Variants in KIAA1549L observed in about 807,000 individuals in gnomAD.
The protein encoded by KIAA1549L is UPF0606 protein KIAA1549L.
In KIAA1549L, 88 loss-of-function variants were observed where a neutral mutation model predicts 160.7. The ratio of observed to expected loss-of-function variants is 0.55; its 90% CI spans 0.46 to 0.65. The LOEUF is 0.65. KIAA1549L is among the 30% of genes least tolerant of loss of function. The pLI is 0.00. For synonymous variants in KIAA1549L, 950 were observed against 976.7 expected (o/e 0.97, Z 0.51); for missense variants, 2,258 against 2,437.5 (o/e 0.93, Z 1.55).
At chr11:33,407,513 T>C (rs570018098) in intron 1 of KIAA1549L, among the ~76,000 whole-genome samples, 30 of 151,966 alleles carry the variant, frequency 2.0e-4, no homozygotes, top group Non-Finnish European at 3.7e-4. Context: ...CGTGCCTTGC[T>C]AATTTTTGTA....
intron 15 of KIAA1549L, among the ~76,000 whole-genome samples, chr11:33,617,223 G>A (rs576783482): frequency 1.6e-4 from 25 of 152,160 alleles, no homozygotes; most frequent in Non-Finnish European, 3.1e-4. Context: ...CTTATAGCTG[G>A]GTGAGAAGGA....
intron 16 of KIAA1549L, among the ~76,000 whole-genome samples, chr11:33,629,241 T>C (rs1282477872): frequency 1.3e-5 from 2 of 152,186 alleles, no homozygotes; most frequent in Admixed American, 1.3e-4. Context: ...CATTTCAACT[T>C]TGGTGAATCT....
chr11:33,539,692 C>T (rs951400921), intron 1 of KIAA1549L, among the ~76,000 whole-genome samples: 4 of 152,080 alleles, frequency 2.6e-5, no homozygotes, highest in Admixed American at 6.5e-5. Context: ...AAGAAAGTTC[C>T]GGAGAGTCTT....
chr11:33,606,825 A>C lies in KIAA1549L; in HGVS notation c.5061+3A>C, dbSNP rs749020204. ...CATCGGCAGTCCTCAACGGCGAGGT[A>C]AGTGCCTGGAGACCCAGGGCAGGAG... On this transcript the variant is annotated splice_donor_region_variant and intron_variant, in intron 14 of 20. Transcript: ENST00000658780. 6 of 1,595,648 alleles carry C rather than the reference A, an allele frequency of 3.8e-6. No individual in the cohort carries two copies. The South Asian group carries it at 5.7e-5, about 15-fold the overall frequency.
chr11:33,441,989 C>T (rs2132948175), intron 1 of KIAA1549L, among the ~76,000 whole-genome samples: 1 of 152,118 alleles, frequency 6.6e-6, no homozygotes, highest in South Asian at 2.1e-4. Flanking sequence ...ACATGAAGTC[C>T]TTGCCCATGC....
In KIAA1549L at chr11:33,551,844, C is replaced by G. The variant is rs181903859; in HGVS notation, c.3722-264C>G. ...GATTTGTCAGTCTTTGAGCAGATGT[C>G]TACATATTCCAATCAAATAAAATCA... On this transcript the variant is annotated intron_variant, in intron 5 of 20. Coordinates refer to ENST00000658780, the MANE Select transcript of KIAA1549L (RefSeq NM_012194.3). Among the ~76,000 whole-genome samples the G allele has an allele frequency of 2.9e-3, 434 of 152,228 alleles. 3 individuals are homozygous for G. Among genetic ancestry groups the G allele is most frequent in the African/African-American group, 9.9e-3 (412 of 41,534 alleles).
chr11:33,407,696 C>G (rs1025179093), intron 1 of KIAA1549L, among the ~76,000 whole-genome samples: 2 of 152,152 alleles, frequency 1.3e-5, no homozygotes, highest in Non-Finnish European at 2.9e-5. Flanking sequence ...TCACCATTCA[C>G]AAGTACAGAG....
At chr11:33,514,276 A>G (rs1193524194) in intron 1 of KIAA1549L, among the ~76,000 whole-genome samples, 1 of 152,234 alleles carries the variant, frequency 6.6e-6, no homozygotes, top group African/African-American at 2.4e-5. Flanking sequence ...ATTTTATGCA[A>G]AGTCATTGAA....
At chr11:33,525,876 C>T (rs1182924963) in intron 1 of KIAA1549L, among the ~76,000 whole-genome samples, 1 of 152,066 alleles carries the variant, frequency 6.6e-6, no homozygotes, top group Non-Finnish European at 1.5e-5. Flanking sequence ...CTGTATGACA[C>T]AGCAGAGGCA....
intron 1 of KIAA1549L, among the ~76,000 whole-genome samples, chr11:33,460,063 A>G (rs75092478): frequency 0.039 from 5,919 of 151,742 alleles, 185 homozygotes; most frequent in Non-Finnish European, 0.058. Context: ...TGCTCTCCCC[A>G]TACTCCCTAC....
intron 1 of KIAA1549L, among the ~76,000 whole-genome samples, chr11:33,444,537 G>A (rs1314145586): frequency 6.6e-6 from 1 of 152,176 alleles, no homozygotes; most frequent in East Asian, 1.9e-4. Flanking sequence ...AAGATGGGAG[G>A]AGAGACTTAC....
At chr11:33,495,682 G>T (rs960583697) in intron 1 of KIAA1549L, among the ~76,000 whole-genome samples, 8 of 152,172 alleles carry the variant, frequency 5.3e-5, no homozygotes, top group Admixed American at 1.3e-4. Context: ...TCTAGTTCTA[G>T]ATCCCTGAGG....
At chr11:33,524,075 AATAAG>A (rs1853557885) in intron 1 of KIAA1549L, among the ~76,000 whole-genome samples, 1 of 152,202 alleles carries the variant, frequency 6.6e-6, no homozygotes, top group Non-Finnish European at 1.5e-5. Context: ...TATTTAAAAA[AATAAG>A]ATAGAATTCA....
intron 1 of KIAA1549L, among the ~76,000 whole-genome samples, chr11:33,380,932 T>C (rs1451866971): frequency 6.6e-6 from 1 of 152,042 alleles, no homozygotes. Context: ...TTCATTCCTT[T>C]ATTCAGTATG....
At chr11:33,559,712 G>A (rs1246854404) in intron 6 of KIAA1549L, 37 bp from the exon 7 acceptor site, 1 of 1,595,692 alleles carries the variant, frequency 6.3e-7, no homozygotes, top group Admixed American at 1.7e-5. Context: ...GTCTTATTTG[G>A]CCTGTCTCCC....
intron 10 of KIAA1549L, among the ~76,000 whole-genome samples, chr11:33,578,979 C>G (rs1855547958): frequency 6.6e-6 from 1 of 152,212 alleles, no homozygotes; most frequent in South Asian, 2.1e-4. Flanking sequence ...AAAGGAACCA[C>G]CCTTCACCAG....
At chr11:33,498,898 T>TA (rs1852880989) in intron 1 of KIAA1549L, among the ~76,000 whole-genome samples, 2 of 152,190 alleles carry the variant, frequency 1.3e-5, no homozygotes. Context: ...GATTTCTTCT[T>TA]ACGTTAGCCA....
rs1852244486 is a variant in KIAA1549L at position 33,661,026 on chromosome 11, G to T, written c.6159+12G>T. On this transcript the variant is annotated intron_variant, in intron 20 of 20. Coordinates refer to ENST00000658780, the MANE Select transcript of KIAA1549L (RefSeq NM_012194.3). The stretch of plus-strand genomic sequence containing the variant: ...AGTGGGCAGATTCGGTGAGACCCTT[G>T]CTCTTCACCTCATAAAACTTTACCT... The T allele has an allele frequency of 1.3e-6, 2 of 1,599,384 alleles. No individual in the cohort carries two copies. The highest frequency in any genetic ancestry group is 1.7e-6 in the Non-Finnish European group (2 of 1,172,410).
chr11:33,580,923 G>A (rs949452675), intron 10 of KIAA1549L, among the ~76,000 whole-genome samples: 1 of 152,228 alleles, frequency 6.6e-6, no homozygotes, highest in African/African-American at 2.4e-5. Flanking sequence ...GGGTCAAGAA[G>A]AGAATCACTG....
Sources: allele counts gnomAD v4.1 joint callset (sites outside exome capture counted in the v4.1 genomes callset), GRCh38; gene constraint gnomAD v4.1.1; transcripts MANE v1.5; gene names NCBI Gene and HGNC (gene_info 2026-07-23, HGNC 2026-07-21).